Variants in EFR3A observed in about 807,000 individuals in gnomAD.
EFR3A encodes the protein EFR3 homolog A.
EFR3A carries 76 observed loss-of-function variants against 104.4 expected under a neutral mutation model. That is an observed-to-expected ratio of 0.73 (90% CI 0.60 to 0.88). The LOEUF is 0.88. Among genes scored for constraint, EFR3A ranks in the 40% least tolerant of loss-of-function variants. The probability of loss-of-function intolerance (pLI) is 0.00; values close to 1 mark genes in which losing one functional copy is unlikely to be tolerated. For synonymous variants in EFR3A, 330 were observed against 330.0 expected (o/e 1.00, Z 0.00); for missense variants, 985 against 1,012.5 (o/e 0.97, Z 0.37).
intron 1 of EFR3A, among the ~76,000 whole-genome samples, chr8:131,916,901 G>A (rs756544293): frequency 2.0e-5 from 3 of 152,162 alleles, no homozygotes; most frequent in Non-Finnish European, 4.4e-5. Context: ...TGTCTCAGCC[G>A]TGGCAGTTCT....
intron 1 of EFR3A, among the ~76,000 whole-genome samples, chr8:131,925,888 T>G (rs1817272287): frequency 6.6e-6 from 1 of 152,116 alleles, no homozygotes; most frequent in Admixed American, 6.5e-5. Context: ...AGAACAGTAG[T>G]GTATACAATA....
intron 1 of EFR3A, among the ~76,000 whole-genome samples, chr8:131,921,357 G>A (rs1038389137): frequency 3.3e-5 from 5 of 151,964 alleles, no homozygotes; most frequent in African/African-American, 7.3e-5. Context: ...AATACTAGTC[G>A]TATTGGATTA....
intron 18 of EFR3A, among the ~76,000 whole-genome samples, 173 bp downstream of exon 18, chr8:131,987,875 C>G (rs1314385890): frequency 2.0e-5 from 3 of 152,066 alleles, no homozygotes; most frequent in Non-Finnish European, 4.4e-5. Context: ...CTATTGAAAA[C>G]CTTCAGTAAA....
intron 12 of EFR3A, 109 bp from the exon 13 acceptor site, chr8:131,978,738 T>C: frequency 1.2e-6 from 1 of 849,536 alleles, no homozygotes; most frequent in East Asian, 3.0e-5. Context: ...TCTCCAGGCT[T>C]CTGTCCATAT....
rs147521133 is a variant in EFR3A at position 131,970,659 on chromosome 8, T to C, written c.1159+16T>C. ...CAAACAATAGGTGAGTACATTTCAC[T>C]TTTCAAAACTATCATGTAAAACAGT... On this transcript the variant is annotated intron_variant, in intron 10 of 22. Coordinates refer to ENST00000254624, the MANE Select transcript of EFR3A (RefSeq NM_015137.6). 0.02 allele frequency: 31,519 copies of C among 1,604,636 alleles called. 406 individuals carry two copies. The highest frequency in any genetic ancestry group is 0.024 in the Non-Finnish European group (27,943 of 1,174,656).
In EFR3A at chr8:131,999,334, A is replaced by C. The variant is rs552204317; in HGVS notation, c.2158-2425A>C. On this transcript the variant is annotated intron_variant, in intron 19 of 22. Coordinates refer to ENST00000254624, the MANE Select transcript of EFR3A (RefSeq NM_015137.6). The stretch of plus-strand genomic sequence containing the variant: ...TGTATGCTAGCATCTAGTCAATATT[A>C]GTCACACTCTGTGGTGCTAGATGCT... Among the ~76,000 whole-genome samples the C allele has an allele frequency of 2.0e-5, 3 of 152,320 alleles. No homozygotes were observed. The South Asian group carries it at 6.2e-4, about 32-fold the overall frequency.
At position 131,944,770 on chromosome 8, in the gene EFR3A, A is replaced by G. The variant is rs959471829; in HGVS notation, c.113A>G (p.Glu38Gly). 3 of 1,601,012 alleles carry G rather than the reference A, an allele frequency of 1.9e-6. No homozygotes were observed. Among genetic ancestry groups the G allele is most frequent in the Admixed American group, 1.7e-5 (1 of 57,906 alleles). ...GATGGCCTTGTGAAAACTGATATGG[A>G]GAAATTGACATTTTATGCAGTATCT... The part of the protein sequence containing the change: ...PKDGLVKTDM[E>G]KLTFYAVSAP... Residue 38 changes from glutamate (E) to glycine (G), a missense_variant, in exon 3 of 23, where the codon GAG (glutamate) becomes GGG (glycine). By Grantham distance (98) the Glu-to-Gly change is moderately conservative (BLOSUM62 -2). Coordinates refer to ENST00000254624, the MANE Select transcript of EFR3A (RefSeq NM_015137.6).
At chr8:131,951,166 A>G (rs1586590269) in intron 5 of EFR3A, among the ~76,000 whole-genome samples, 1 of 152,172 alleles carries the variant, frequency 6.6e-6, no homozygotes, top group South Asian at 2.1e-4. Context: ...TGAAACAAAA[A>G]CAAGTATAAA....
intron 8 of EFR3A, among the ~76,000 whole-genome samples, chr8:131,960,137 C>T (rs1294940258): frequency 2.0e-4 from 30 of 152,128 alleles, no homozygotes. Flanking sequence ...ACTTGCCTTT[C>T]CAGATGCTTA....
At position 131,946,649 on chromosome 8, in the gene EFR3A, C is replaced by A; in HGVS notation, c.366+16C>A. On this transcript the variant is annotated intron_variant, in intron 4 of 22. Transcript: ENST00000254624. ...AACAAATTCTGTGAGTAAAACTATT[C>A]TGTTACTAAATGTATGCTTAATTAG... 2 of 1,556,246 alleles carry A rather than the reference C, an allele frequency of 1.3e-6. No individual in the cohort carries two copies. The highest frequency in any genetic ancestry group is 1.7e-6 in the Non-Finnish European group (2 of 1,151,614).
intron 2 of EFR3A, 151 bp from the exon 3 acceptor site, chr8:131,944,594 T>C (rs543463854): frequency 1.4e-6 from 1 of 734,610 alleles, no homozygotes; most frequent in Non-Finnish European, 2.1e-6. Context: ...TCATGGTGAA[T>C]GTTAGCACTA....
chr8:131,985,040 T>A lies in EFR3A; in HGVS notation c.1849T>A (p.Phe617Ile). 1 of 1,613,474 alleles carries A rather than the reference T, an allele frequency of 6.2e-7. No homozygotes were observed. Among genetic ancestry groups the A allele is most frequent in the South Asian group, 1.1e-5 (1 of 91,044 alleles). ...FVSQMIAVPA[F>I]CQHVSKVIEI... Reference sequence around the variant, plus strand: ...AAGTCAGATGATAGCTGTCCCTGCATTTTGCCAGCATGTTAGCAAGGTAAT... The same window carrying A: ...AAGTCAGATGATAGCTGTCCCTGCAATTTGCCAGCATGTTAGCAAGGTAAT... The change falls in exon 16 of 23, where the codon TTT (phenylalanine) becomes ATT (isoleucine). Residue 617 changes from phenylalanine (F) to isoleucine (I), a missense_variant. Transcript: ENST00000254624.
intron 7 of EFR3A, among the ~76,000 whole-genome samples, chr8:131,957,024 G>A (rs369863036): frequency 9.9e-5 from 15 of 152,150 alleles, no homozygotes; most frequent in East Asian, 3.9e-4. Flanking sequence ...CAAATAAGTT[G>A]TACTTGAGTT....
intron 19 of EFR3A, among the ~76,000 whole-genome samples, chr8:131,996,828 G>A (rs1432608817): frequency 6.6e-6 from 1 of 152,024 alleles, no homozygotes; most frequent in Non-Finnish European, 1.5e-5. Flanking sequence ...CATTAAATTA[G>A]TGGGCCCTCT....
rs370312741 is a variant in EFR3A, at chr8:131,904,866, C to G, written c.10+544C>G. 2.0e-5 allele frequency among the ~76,000 whole-genome samples: 3 copies of G among 152,170 alleles called. No individual in the cohort carries two copies. The East Asian group carries it at 5.8e-4, about 29-fold the overall frequency. ...AGGCACCTCGACTGTGGCTTTTGGA[C>G]CACACTTCGGATTCACCCGGGCAGA... On this transcript the variant is annotated intron_variant, in intron 1 of 22. Coordinates refer to ENST00000254624, the MANE Select transcript of EFR3A (RefSeq NM_015137.6).
chr8:131,995,595 G>T (rs1463535962), intron 18 of EFR3A, among the ~76,000 whole-genome samples: 1 of 152,132 alleles, frequency 6.6e-6, no homozygotes, highest in Non-Finnish European at 1.5e-5. Context: ...GCAGAAAATG[G>T]GCTAGGAATA....
intron 2 of EFR3A, 106 bp from the exon 3 acceptor site, chr8:131,944,639 T>C (rs1818332418): frequency 9.1e-7 from 1 of 1,104,796 alleles, no homozygotes; most frequent in Non-Finnish European, 1.3e-6. Context: ...TACATAAATA[T>C]CGTTTAATCC....
At chr8:131,964,072 C>T (rs1819556841) in intron 8 of EFR3A, among the ~76,000 whole-genome samples, 2 of 152,274 alleles carry the variant, frequency 1.3e-5, no homozygotes. Flanking sequence ...GGACGTATCT[C>T]AAGATAATAA....
At chr8:131,976,285 G>T in intron 11 of EFR3A, 144 bp downstream of exon 11, 1 of 615,950 alleles carries the variant, frequency 1.6e-6, no homozygotes, top group Non-Finnish European at 2.9e-6. Flanking sequence ...TATTATGACA[G>T]TAGATTGCTA....
Sources: gnomAD v4.1 joint callset for allele counts (sites outside exome capture counted in the v4.1 genomes callset) on GRCh38, gnomAD v4.1.1 for gene constraint, MANE v1.5 for transcripts, NCBI Gene and HGNC (gene_info 2026-07-23, HGNC 2026-07-21) for gene names.